Variants in LYPD6 observed in about 807,000 individuals in gnomAD.
LYPD6 encodes LY6/PLAUR domain containing 6.
LYPD6 carries 15 observed loss-of-function variants against 22.7 expected under a neutral mutation model. The ratio of observed to expected loss-of-function variants is 0.66; its 90% confidence interval spans 0.44 to 1.02. LYPD6 has a LOEUF of 1.02. LYPD6 is among the 50% of genes least tolerant of loss of function. LYPD6 has a pLI of 0.00. For synonymous variants in LYPD6, 72 were observed against 77.5 expected, an observed-to-expected ratio of 0.93 and a Z score of 0.37; for missense variants, 189 against 208.4, an observed-to-expected ratio of 0.91 and a Z score of 0.57.
intron 3 of LYPD6, among the ~76,000 whole-genome samples, chr2:149,458,717 T>C (rs1681022266): frequency 6.6e-6 from 1 of 152,170 alleles, no homozygotes; most frequent in Admixed American, 6.5e-5. Flanking sequence ...TTTTAAAATC[T>C]CATCAAAGAT....
chr2:149,415,711 G>A (rs1478227093), intron 1 of LYPD6, among the ~76,000 whole-genome samples: 1 of 152,158 alleles, frequency 6.6e-6, no homozygotes, highest in African/African-American at 2.4e-5. Flanking sequence ...TCGTCCCCCA[G>A]GCTGGGGTGC....
chr2:149,452,871 G>C lies in LYPD6; in HGVS notation c.217+3724G>C, dbSNP rs535100354. On this transcript the variant is annotated intron_variant, in intron 3 of 4. Transcript: ENST00000334166. ...TGGAATCACTCTTTTGGCAGTGGCG[G>C]CATCAGCTGGACACACCTCTAGCTA... is the stretch of plus-strand genomic sequence containing the variant. 2.6e-5 allele frequency among the ~76,000 whole-genome samples: 4 copies of C among 152,308 alleles called. No individual in the cohort carries two copies. The East Asian group carries it at 7.7e-4, about 29-fold the overall frequency.
intron 2 of LYPD6, among the ~76,000 whole-genome samples, chr2:149,443,515 C>G (rs182078691): frequency 6.6e-5 from 10 of 152,054 alleles, no homozygotes; most frequent in African/African-American, 2.4e-4. Flanking sequence ...TCCAAAATGT[C>G]TACTTTGATC....
intron 2 of LYPD6, among the ~76,000 whole-genome samples, chr2:149,443,930 C>CTTT (rs766245738): frequency 7.5e-4 from 86 of 114,058 alleles, no homozygotes; most frequent in African/African-American, 1.4e-3. Flanking sequence ...ATGTGCATAT[C>CTTT]TTTTTTTTTT....
rs771315405 is a variant in LYPD6, at chr2:149,470,730, C to A, written c.396C>A (p.Pro132=). The A allele has an allele frequency of 3.2e-5, 51 of 1,613,670 alleles. No homozygotes were observed. The highest frequency in any genetic ancestry group is 4.2e-5 in the Non-Finnish European group (49 of 1,179,782). The part of the protein sequence containing the change: ...CEGNICNLPL[P]RNETDATFAT... ...GAAATATCTGTAACTTGCCACTGCCCCGAAATGAAACTGATGCCACATTTG... is the reference window on the plus strand; with the variant it reads ...GAAATATCTGTAACTTGCCACTGCCACGAAATGAAACTGATGCCACATTTG... Residue 132 remains proline (P), a synonymous_variant, in exon 5 of 5, where the codon CCC becomes CCA. Coordinates refer to ENST00000334166, the MANE Select transcript of LYPD6 (RefSeq NM_194317.5).
chr2:149,418,156 A>G (rs1262412744), intron 1 of LYPD6, among the ~76,000 whole-genome samples: 1 of 152,232 alleles, frequency 6.6e-6, no homozygotes, highest in Non-Finnish European at 1.5e-5. Context: ...GCAGGAAGGC[A>G]TCAAGAGAGA....
intron 1 of LYPD6, among the ~76,000 whole-genome samples, chr2:149,333,755 A>G (rs1680982115): frequency 6.6e-6 from 1 of 152,186 alleles, no homozygotes; most frequent in African/African-American, 2.4e-5. Context: ...TACACCTACC[A>G]AATGCCCCGT....
chr2:149,336,459 G>T (rs1681035555), intron 1 of LYPD6, among the ~76,000 whole-genome samples: 2 of 152,182 alleles, frequency 1.3e-5, no homozygotes, highest in Non-Finnish European at 2.9e-5. Flanking sequence ...AGCATAGCTG[G>T]CTAGTAGTCT....
chr2:149,392,752 G>A (rs757021591), intron 1 of LYPD6, among the ~76,000 whole-genome samples: 7 of 152,198 alleles, frequency 4.6e-5, no homozygotes, highest in Non-Finnish European at 7.3e-5. Flanking sequence ...TTGGCTGGGC[G>A]CGGTGGCTCA....
chr2:149,434,291 A>G (rs761888127), intron 1 of LYPD6, among the ~76,000 whole-genome samples: 12 of 152,234 alleles, frequency 7.9e-5, no homozygotes, highest in Non-Finnish European at 1.6e-4. Flanking sequence ...GTGATGCCAC[A>G]TAGTTTTGTA....
chr2:149,475,217 C>T (rs909421816), downstream of LYPD6, among the ~76,000 whole-genome samples: 5 of 152,192 alleles, frequency 3.3e-5, no homozygotes, highest in Admixed American at 6.5e-5. Context: ...GTTTTAATAA[C>T]TTTCCTTTAA....
chr2:149,470,982 A>C lies in LYPD6; in HGVS notation c.*132A>C. On this transcript the variant is annotated 3_prime_UTR_variant, in exon 5 of 5. Coordinates refer to ENST00000334166, the MANE Select transcript of LYPD6 (RefSeq NM_194317.5). The stretch of plus-strand genomic sequence containing the variant: ...CTCTTGGAGGTCATCACAGCCAAGC[A>C]TTGCCACTTACCATGAGGAATAAAT... 1.3e-6 allele frequency: 1 copy of C among 765,382 alleles called. No individual in the cohort carries two copies. Among genetic ancestry groups the C allele is most frequent in the Non-Finnish European group, 2.1e-6 (1 of 476,904 alleles). 47.4% of individuals were successfully genotyped at this position (765,382 alleles called of 1,614,324 possible). A position where few individuals can be genotyped will look rare whatever the true frequency, so the allele number is the denominator to read the frequency against.
At chr2:149,346,703 T>C (rs114359766) in intron 1 of LYPD6, among the ~76,000 whole-genome samples, 85 of 152,230 alleles carry the variant, frequency 5.6e-4, no homozygotes, top group African/African-American at 2.0e-3. Flanking sequence ...AAAACTAGTT[T>C]TGTTTTTTGT....
intron 4 of LYPD6, 142 bp from the exon 5 acceptor site, chr2:149,470,541 T>G: frequency 3.0e-6 from 2 of 666,494 alleles, no homozygotes; most frequent in South Asian, 4.0e-5. Flanking sequence ...CCAGCCTTCC[T>G]GAACGTAGAG....
At chr2:149,414,147 C>G (rs1173383081) in intron 1 of LYPD6, among the ~76,000 whole-genome samples, 1 of 152,168 alleles carries the variant, frequency 6.6e-6, no homozygotes, top group Non-Finnish European at 1.5e-5. Context: ...AGTTAAAGAA[C>G]TTGTACCTTT....
At chr2:149,390,786 G>A (rs10931651) in intron 1 of LYPD6, among the ~76,000 whole-genome samples, 28,058 of 152,188 alleles carry the variant, frequency 0.18, 2,606 homozygotes, top group East Asian at 0.21. Context: ...ATTACTAGAT[G>A]TACTTTATAG....
intron 1 of LYPD6, among the ~76,000 whole-genome samples, chr2:149,356,043 G>T (rs1681442150): frequency 6.6e-6 from 1 of 151,396 alleles, no homozygotes; most frequent in African/African-American, 2.4e-5. Flanking sequence ...GGAAGAACAG[G>T]GCAATAGCAG....
chr2:149,390,464 C>T (rs1257340409), intron 1 of LYPD6, among the ~76,000 whole-genome samples: 1 of 152,166 alleles, frequency 6.6e-6, no homozygotes, highest in Non-Finnish European at 1.5e-5. Context: ...GCAGTACTTC[C>T]TGTGGTTCCA....
intron 1 of LYPD6, among the ~76,000 whole-genome samples, chr2:149,394,432 T>C (rs1259220588): frequency 6.6e-6 from 1 of 152,196 alleles, no homozygotes; most frequent in African/African-American, 2.4e-5. Flanking sequence ...CCTCAAAATA[T>C]AATAGGAAAG....
Sources: allele counts gnomAD v4.1 joint callset (sites outside exome capture counted in the v4.1 genomes callset), GRCh38; gene constraint gnomAD v4.1.1; transcripts MANE v1.5; gene names NCBI Gene and HGNC (gene_info 2026-07-23, HGNC 2026-07-21).